SDCCAG8: variants seen among roughly 807,000 people sequenced by gnomAD.
SDCCAG8 encodes serologically defined colon cancer antigen 8.
SDCCAG8 carries 74 observed loss-of-function variants against 101.8 expected under a neutral mutation model. That is an observed-to-expected ratio of 0.73 (90% CI 0.60 to 0.88). SDCCAG8 has a LOEUF of 0.88. SDCCAG8 is among the 40% of genes least tolerant of loss of function. The pLI is 0.00. For missense variants in SDCCAG8, 787 were observed against 822.6 expected (o/e 0.96, Z 0.53); for synonymous variants, 281 against 292.9 (o/e 0.96, Z 0.41).
rs1665717289 is a variant in SDCCAG8, at chr1:243,489,005, T to C, written c.1986-9T>C. ...TCCCTCTTTAATTCTGCGGTGGATT[T>C]TTCTCCAGGCTAAGGCAGCTGGATA... is the stretch of plus-strand genomic sequence containing the variant. On this transcript the variant is annotated splice_polypyrimidine_tract_variant and intron_variant, in intron 16 of 17. Coordinates refer to ENST00000366541, the MANE Select transcript of SDCCAG8 (RefSeq NM_006642.5). 6.2e-7 allele frequency: 1 copy of C among 1,613,318 alleles called. No homozygotes were observed. The highest frequency in any genetic ancestry group is 8.5e-7 in the Non-Finnish European group (1 of 1,180,028).
intron 9 of SDCCAG8, among the ~76,000 whole-genome samples, chr1:243,324,811 C>T (rs1173253601): frequency 6.6e-6 from 1 of 152,164 alleles, no homozygotes; most frequent in Non-Finnish European, 1.5e-5. Context: ...ACAAATCTGG[C>T]CCCATTCTAA....
At chr1:243,444,910 G>C (rs2082793805) in intron 16 of SDCCAG8, among the ~76,000 whole-genome samples, 1 of 152,082 alleles carries the variant, frequency 6.6e-6, no homozygotes, top group African/African-American at 2.4e-5. Context: ...GGACATTTAA[G>C]ATATAACATC....
chr1:243,331,451 C>T (rs945034130), intron 10 of SDCCAG8, among the ~76,000 whole-genome samples: 3 of 152,150 alleles, frequency 2.0e-5, no homozygotes, highest in Admixed American at 2.0e-4. Context: ...TTAACTTATT[C>T]AGTAAGTATA....
At chr1:243,452,912 G>C (rs781029927) in intron 16 of SDCCAG8, among the ~76,000 whole-genome samples, 3 of 152,186 alleles carry the variant, frequency 2.0e-5, no homozygotes, top group Non-Finnish European at 4.4e-5. Context: ...TTGAAGAACT[G>C]AGTGACTCTT....
At chr1:243,454,745 C>T (rs1286369050) in intron 16 of SDCCAG8, among the ~76,000 whole-genome samples, 3 of 152,086 alleles carry the variant, frequency 2.0e-5, no homozygotes, top group African/African-American at 7.2e-5. Flanking sequence ...TTCTGTTTGT[C>T]CCTGTTATCT....
chr1:243,426,772 T>G (rs981692968), intron 16 of SDCCAG8, among the ~76,000 whole-genome samples: 1 of 152,240 alleles, frequency 6.6e-6, no homozygotes, highest in African/African-American at 2.4e-5. Context: ...CTTTTTGTTA[T>G]TCTCTGAAGA....
intron 13 of SDCCAG8, among the ~76,000 whole-genome samples, chr1:243,382,420 G>GA (rs559895519): frequency 6.6e-6 from 1 of 151,442 alleles, no homozygotes; most frequent in Non-Finnish European, 1.5e-5. Flanking sequence ...TTAAGTGGAT[G>GA]AAAAAAAGGG....
rs187060167 is a variant in SDCCAG8, at chr1:243,315,877, A to G, written c.930-878A>G. On this transcript the variant is annotated intron_variant, in intron 8 of 17. Coordinates refer to ENST00000366541, the MANE Select transcript of SDCCAG8 (RefSeq NM_006642.5). ...CAGGGAACACCATATGTAACAGTCC[A>G]GCATACATTTTTTGCTTTTTATGTC... 5.3e-5 allele frequency among the ~76,000 whole-genome samples: 8 copies of G among 152,366 alleles called. No homozygotes were observed. The East Asian group carries it at 1.3e-3, about 26-fold the overall frequency.
At chr1:243,431,640 G>A (rs147624392) in intron 16 of SDCCAG8, among the ~76,000 whole-genome samples, 1 of 152,318 alleles carries the variant, frequency 6.6e-6, no homozygotes, top group East Asian at 1.9e-4. Flanking sequence ...TCATGTTAAA[G>A]ATGGCAGTGC....
intron 13 of SDCCAG8, among the ~76,000 whole-genome samples, chr1:243,393,543 TG>T (rs1344883424): frequency 3.0e-5 from 2 of 67,692 alleles, no homozygotes; most frequent in African/African-American, 5.6e-5. Flanking sequence ...ACTTGGAGGG[TG>T]GGGGTGGGCA....
At chr1:243,360,628 C>T (rs1026423695) in intron 12 of SDCCAG8, among the ~76,000 whole-genome samples, 2 of 152,004 alleles carry the variant, frequency 1.3e-5, no homozygotes, top group Non-Finnish European at 2.9e-5. Flanking sequence ...TCAAGACCAG[C>T]CTGGCTAAAA....
intron 5 of SDCCAG8, among the ~76,000 whole-genome samples, chr1:243,287,588 C>A (rs1036016502): frequency 2.6e-5 from 4 of 152,084 alleles, no homozygotes; most frequent in Admixed American, 1.3e-4. Context: ...CAGTTCTTTT[C>A]TCCTCACTGT....
At chr1:243,288,299 C>T (rs895483444) in intron 5 of SDCCAG8, among the ~76,000 whole-genome samples, 18 of 151,390 alleles carry the variant, frequency 1.2e-4, no homozygotes, top group African/African-American at 3.9e-4. Context: ...TAGTGAGACC[C>T]CATCTCTCTA....
intron 16 of SDCCAG8, among the ~76,000 whole-genome samples, chr1:243,478,167 A>G (rs1430291042): frequency 6.6e-6 from 1 of 152,140 alleles, no homozygotes; most frequent in Non-Finnish European, 1.5e-5. Context: ...TCTCTCTCTC[A>G]GGGTCCTTCC....
intron 15 of SDCCAG8, among the ~76,000 whole-genome samples, chr1:243,419,670 C>T (rs368983156): frequency 9.2e-5 from 14 of 152,286 alleles, no homozygotes; most frequent in African/African-American, 2.2e-4. Flanking sequence ...GGGAGAGCTA[C>T]GGTTCTAACA....
chr1:243,402,311 T>C (rs571435152), intron 13 of SDCCAG8, among the ~76,000 whole-genome samples: 2 of 150,742 alleles, frequency 1.3e-5, no homozygotes, highest in Non-Finnish European at 2.9e-5. Context: ...ACACCTGTAG[T>C]CACAGCTGCT....
intron 6 of SDCCAG8, 43 bp downstream of exon 6, chr1:243,293,262 TTTTCTC>T: frequency 1.3e-6 from 2 of 1,593,420 alleles, no homozygotes; most frequent in Non-Finnish European, 1.7e-6. Flanking sequence ...TTTTTTTTCT[TTTTCTC>T]TTTTGTACTT....
chr1:243,489,225 T>A (rs941070947), intron 17 of SDCCAG8, 85 bp downstream of exon 17: 7 of 1,524,518 alleles, frequency 4.6e-6, no homozygotes, highest in Middle Eastern at 2.3e-4. Flanking sequence ...AGGCCGGCTT[T>A]CTCACGGATC....
At chr1:243,347,619 A>G (rs2075797651) in intron 12 of SDCCAG8, among the ~76,000 whole-genome samples, 1 of 152,208 alleles carries the variant, frequency 6.6e-6, no homozygotes, top group Non-Finnish European at 1.5e-5. Flanking sequence ...AAAGTATGTG[A>G]AGGAAATGGC....
Sources: allele counts gnomAD v4.1 joint callset (sites outside exome capture counted in the v4.1 genomes callset), GRCh38; gene constraint gnomAD v4.1.1; transcripts MANE v1.5; gene names NCBI Gene and HGNC (gene_info 2026-07-23, HGNC 2026-07-21).